Variants in ERAP2 observed in about 807,000 individuals in gnomAD.
ERAP2 encodes leukocyte-derived arginine aminopeptidase.
In ERAP2, 118 loss-of-function variants were observed where a neutral mutation model predicts 111.1. That is an observed-to-expected ratio of 1.06 (90% CI 0.92 to 1.24). The LOEUF is 1.24. Ranked by LOEUF, ERAP2 falls within the 50% of genes most tolerant of loss-of-function variation. The pLI is 0.00. For synonymous variants in ERAP2, 410 were observed against 401.2 expected (o/e 1.02, Z -0.26); for missense variants, 1,131 against 1,125.8 (o/e 1.00, Z -0.07).
intron 15 of ERAP2, 170 bp downstream of exon 15, chr5:96,909,934 C>A: frequency 1.7e-6 from 1 of 595,490 alleles, no homozygotes; most frequent in Non-Finnish European, 2.9e-6. Context: ...TGTATGGAGA[C>A]TAGTACAATC....
chr5:96,909,675 G>T lies in ERAP2; in HGVS notation c.2265G>T (p.Leu755Phe). The change falls in exon 15 of 19, where the codon TTG becomes TTT. Residue 755 changes from leucine (L) to phenylalanine (F), a missense_variant. By Grantham distance (22) the Leu-to-Phe change is conservative. This residue lies in a region of ERAP2 where 279 missense variants were observed against 250.9 expected (regional missense o/e 1.11). Coordinates refer to ENST00000437043, the MANE Select transcript of ERAP2 (RefSeq NM_022350.5). ...VWDRMLRSAL[L>F]KLACDLNHAP... is the part of the protein sequence containing the mutation. ...ACAGGATGCTCCGCTCGGCTCTCTTGAAGCTGGCCTGTGACCTGAACCATG... is the reference window on the plus strand; with the variant it reads ...ACAGGATGCTCCGCTCGGCTCTCTTTAAGCTGGCCTGTGACCTGAACCATG... 1 of 1,614,230 alleles carries T rather than the reference G, an allele frequency of 6.2e-7. No homozygotes were observed. The highest frequency in any genetic ancestry group is 8.5e-7 in the Non-Finnish European group (1 of 1,180,030).
chr5:96,887,894 G>A (rs1005632449), intron 4 of ERAP2, among the ~76,000 whole-genome samples: 2 of 152,170 alleles, frequency 1.3e-5, no homozygotes, highest in African/African-American at 4.8e-5. Flanking sequence ...GGGAGGCGGA[G>A]GCTGGCAGAT....
In ERAP2 at chr5:96,886,764, G is replaced by C. The variant is rs1032473959; in HGVS notation, c.824G>C (p.Ser275Thr). 6.6e-7 allele frequency: 1 copy of C among 1,521,758 alleles called. No individual in the cohort carries two copies. The allele number at this position is 1,521,758 out of a possible 1,614,324, so 94.3% of individuals were successfully genotyped here. A position where few individuals can be genotyped will look rare whatever the true frequency, so the allele number is the denominator to read the frequency against. The change falls in exon 4 of 19, where the codon AGT (serine) becomes ACT (threonine). Residue 275 changes from serine to threonine, a missense_variant. By Grantham distance (58) the Ser-to-Thr change is moderately conservative. Around this residue, in one of 3 missense-constraint regions of ERAP2, gnomAD observed 847 missense variants for 856.5 expected, o/e 0.99. Transcript: ENST00000437043. ...ATAGTTTGTGATTTCCACTCTCTGA[G>C]TGGCTTCACTTCATCAGGGGTCAAG... Reference protein sequence around the residue: ...AYIVCDFHSLSGFTSSGVKVS... With the variant: ...AYIVCDFHSLTGFTSSGVKVS...
At chr5:96,877,986 A>C (rs902951045) in intron 1 of ERAP2, among the ~76,000 whole-genome samples, 1 of 152,232 alleles carries the variant, frequency 6.6e-6, no homozygotes, top group Non-Finnish European at 1.5e-5. Context: ...TAAAAAGAAG[A>C]AGTAGCAGAG....
chr5:96,883,991 G>T, intron 3 of ERAP2, 61 bp downstream of exon 3: 2 of 1,479,306 alleles, frequency 1.4e-6, no homozygotes, highest in Non-Finnish European at 9.0e-7. Context: ...GTCTTCGTTT[G>T]TTTTTTAAAA....
At chr5:96,913,518 C>T (rs969413456) in intron 17 of ERAP2, 61 bp downstream of exon 17, 6 of 1,552,680 alleles carry the variant, frequency 3.9e-6, no homozygotes, top group Admixed American at 3.4e-5. Context: ...TTGCCTCAAA[C>T]CAAGTGTAAT....
intron 12 of ERAP2, 58 bp downstream of exon 12, chr5:96,902,411 C>T (rs1416181332): frequency 2.8e-6 from 3 of 1,070,566 alleles, no homozygotes; most frequent in Non-Finnish European, 4.3e-6. Flanking sequence ...ATGTGTTGAG[C>T]TATTTGAAGG....
intron 5 of ERAP2, among the ~76,000 whole-genome samples, chr5:96,891,795 T>A (rs1314713622): frequency 6.6e-6 from 1 of 152,134 alleles, no homozygotes; most frequent in Non-Finnish European, 1.5e-5. Flanking sequence ...GCTAGAAATA[T>A]CAATCGAAAT....
intron 15 of ERAP2, among the ~76,000 whole-genome samples, chr5:96,911,322 GT>G (rs993508183): frequency 6.6e-6 from 1 of 152,076 alleles, no homozygotes; most frequent in Admixed American, 6.6e-5. Context: ...TCTGTGTTGT[GT>G]TTTTTCTGAG....
At chr5:96,884,071 T>TATCTATC (rs1783468445) in intron 3 of ERAP2, 141 bp downstream of exon 3, 1 of 562,358 alleles carries the variant, frequency 1.8e-6, no homozygotes, top group Admixed American at 4.3e-5. Flanking sequence ...TCTATCTATC[T>TATCTATC]ATCTATCTAT....
intron 13 of ERAP2, among the ~76,000 whole-genome samples, chr5:96,907,947 G>A (rs749840038): frequency 9.9e-5 from 15 of 151,982 alleles, no homozygotes; most frequent in Admixed American, 2.0e-4. Flanking sequence ...CCAGCCTTCC[G>A]TCTTCAGGTG....
chr5:96,885,538 A>G (rs1393435896), intron 3 of ERAP2, among the ~76,000 whole-genome samples: 1 of 152,246 alleles, frequency 6.6e-6, no homozygotes, highest in Non-Finnish European at 1.5e-5. Context: ...ATTTAGTAGC[A>G]AAAACATTTG....
intron 3 of ERAP2, among the ~76,000 whole-genome samples, chr5:96,886,085 G>T (rs536590596): frequency 3.3e-5 from 5 of 152,292 alleles, no homozygotes; most frequent in African/African-American, 1.2e-4. Context: ...TCCACATCTT[G>T]GTCCTACCGT....
At chr5:96,886,538 T>A in intron 3 of ERAP2, 117 bp from the exon 4 acceptor site, 1 of 764,470 alleles carries the variant, frequency 1.3e-6, no homozygotes, top group East Asian at 3.1e-5. Context: ...CCCTAGGAGG[T>A]CATCGATTGT....
chr5:96,889,831 T>TACACAC (rs58154009), intron 5 of ERAP2, among the ~76,000 whole-genome samples: 28 of 148,756 alleles, frequency 1.9e-4, no homozygotes, highest in African/African-American at 3.2e-4. Flanking sequence ...AAAAAATACA[T>TACACAC]ACACACACAC....
chr5:96,889,046 T>A, intron 4 of ERAP2, 139 bp from the exon 5 acceptor site: 1 of 1,018,708 alleles, frequency 9.8e-7, no homozygotes, highest in Non-Finnish European at 1.4e-6. Flanking sequence ...CCTCTTATCC[T>A]TATTGACAAC....
At position 96,896,434 on chromosome 5, in the gene ERAP2, G is replaced by C; in HGVS notation, c.1301G>C (p.Arg434Pro). 1 of 1,613,000 alleles carries C rather than the reference G, an allele frequency of 6.2e-7. No homozygotes were observed. Among genetic ancestry groups the C allele is most frequent in the Non-Finnish European group, 8.5e-7 (1 of 1,179,268 alleles). Residue 434 changes from arginine to proline, a missense_variant, in exon 8 of 19, where the codon CGC (arginine) becomes CCC (proline). Physicochemically the swap from Arg to Pro is moderately radical, Grantham distance 103 (BLOSUM62 -2). Around this residue, in one of 3 missense-constraint regions of ERAP2, gnomAD observed 847 missense variants for 856.5 expected, o/e 0.99. Coordinates refer to ENST00000437043, the MANE Select transcript of ERAP2 (RefSeq NM_022350.5). Reference protein sequence around the residue: ...VITKDSLNSSRPISKPAETPT... With the variant: ...VITKDSLNSSPPISKPAETPT... Reference sequence around the variant, plus strand: ...ACAAAAGATTCATTGAATTCATCCCGCCCTATCTCCAAACCAGCGGAAACC... The same window carrying C: ...ACAAAAGATTCATTGAATTCATCCCCCCCTATCTCCAAACCAGCGGAAACC...
intron 13 of ERAP2, among the ~76,000 whole-genome samples, chr5:96,908,398 T>A (rs144253323): frequency 2.6e-5 from 4 of 152,330 alleles, no homozygotes; most frequent in Non-Finnish European, 5.9e-5. Context: ...AGAGAAGGCA[T>A]GTAACTTTAG....
At chr5:96,904,926 G>A (rs1785880848) in intron 13 of ERAP2, among the ~76,000 whole-genome samples, 1 of 152,132 alleles carries the variant, frequency 6.6e-6, no homozygotes, top group African/African-American at 2.4e-5. Context: ...AAAATTTCAA[G>A]AAGATTTCAG....
Sources: gnomAD v4.1 joint callset for allele counts (sites outside exome capture counted in the v4.1 genomes callset) on GRCh38, gnomAD v4.1.1 for gene constraint, gnomAD v4.1.1 regional missense constraint, MANE v1.5 for transcripts, NCBI Gene and HGNC (gene_info 2026-07-23, HGNC 2026-07-21) for gene names.